Variants in DLGAP2 observed in about 807,000 individuals in gnomAD.
The protein encoded by DLGAP2 is disks large-associated protein 2.
DLGAP2 carries 26 observed loss-of-function variants against 100.3 expected under a neutral mutation model. That is an observed-to-expected ratio of 0.26 (90% confidence interval 0.19 to 0.36). The LOEUF is 0.36. DLGAP2 is among the 10% of genes least tolerant of loss of function. The pLI is 1.00. For synonymous variants in DLGAP2, 886 were observed against 630.1 expected (o/e 1.41, Z -6.08); for missense variants, 1,858 against 1,453.2 (o/e 1.28, Z -4.53).
At chr8:1,422,561 T>TAAAA (rs372845289) in intron 3 of DLGAP2, among the ~76,000 whole-genome samples, 34 of 136,378 alleles carry the variant, frequency 2.5e-4, no homozygotes, top group African/African-American at 8.5e-4. Flanking sequence ...TCTTTGACAT[T>TAAAA]AAAAAAAAAA....
intron 2 of DLGAP2, among the ~76,000 whole-genome samples, chr8:976,390 T>C (rs1800164002): frequency 6.6e-6 from 1 of 151,804 alleles, no homozygotes. Context: ...GGCGGGCGGA[T>C]CACAAGGTCA....
At chr8:1,105,735 G>A (rs565176379) in intron 2 of DLGAP2, among the ~76,000 whole-genome samples, 92 of 149,306 alleles carry the variant, frequency 6.2e-4, no homozygotes, top group Admixed American at 1.1e-3. Flanking sequence ...TACTTAAGGG[G>A]GCCATTCTAG....
chr8:1,235,082 C>T (rs1563269909), intron 2 of DLGAP2, among the ~76,000 whole-genome samples: 2 of 151,064 alleles, frequency 1.3e-5, no homozygotes, highest in South Asian at 4.2e-4. Context: ...GTCTAGTTCC[C>T]TCTCACATGG....
At chr8:1,101,519 C>T (rs1008962093) in intron 2 of DLGAP2, among the ~76,000 whole-genome samples, 8 of 151,942 alleles carry the variant, frequency 5.3e-5, no homozygotes, top group East Asian at 1.9e-4. Flanking sequence ...ACGGGGGTGC[C>T]GGGGCTGGGG....
At chr8:758,499 C>T (rs185911273) in intron 1 of DLGAP2, among the ~76,000 whole-genome samples, 12 of 152,320 alleles carry the variant, frequency 7.9e-5, no homozygotes, top group Admixed American at 3.9e-4. Flanking sequence ...GAGCGTCTTG[C>T]TCCACCTCTG....
chr8:1,202,414 G>A (rs1234950094), intron 2 of DLGAP2, among the ~76,000 whole-genome samples: 1 of 152,082 alleles, frequency 6.6e-6, no homozygotes, highest in Non-Finnish European at 1.5e-5. Flanking sequence ...GCGTGTGTGA[G>A]CCCTCAGGAC....
intron 2 of DLGAP2, among the ~76,000 whole-genome samples, chr8:1,088,288 T>G (rs181848004): frequency 6.6e-6 from 1 of 152,274 alleles, no homozygotes; most frequent in Non-Finnish European, 1.5e-5. Flanking sequence ...GAAGAGTTGT[T>G]CCATATCCGT....
chr8:1,164,514 C>T (rs1164816729), intron 2 of DLGAP2, among the ~76,000 whole-genome samples: 5 of 151,606 alleles, frequency 3.3e-5, no homozygotes, highest in African/African-American at 7.3e-5. Flanking sequence ...CCAGGTTGGG[C>T]GTGTGGGAAC....
intron 2 of DLGAP2, among the ~76,000 whole-genome samples, chr8:988,781 C>G (rs1026302521): frequency 2.0e-5 from 3 of 152,100 alleles, no homozygotes; most frequent in Non-Finnish European, 4.4e-5. Flanking sequence ...CCCCGGGGAC[C>G]TGGTGAGTGC....
chr8:1,346,617 T>G (rs1466899980), intron 3 of DLGAP2, among the ~76,000 whole-genome samples: 1 of 150,908 alleles, frequency 6.6e-6, no homozygotes, highest in Admixed American at 6.6e-5. Context: ...TGTGTGGAGG[T>G]TGAGTTCTGA....
intron 3 of DLGAP2, among the ~76,000 whole-genome samples, chr8:1,309,769 C>G (rs1800570467): frequency 6.6e-6 from 1 of 152,236 alleles, no homozygotes; most frequent in African/African-American, 2.4e-5. Context: ...AAGTGTACGT[C>G]TATGTTACCG....
intron 2 of DLGAP2, among the ~76,000 whole-genome samples, chr8:969,054 G>T (rs1238790161): frequency 6.6e-6 from 1 of 152,210 alleles, no homozygotes; most frequent in Admixed American, 6.5e-5. Flanking sequence ...GCATCAGTCA[G>T]ATGTTCTTCT....
At chr8:958,446 T>C (rs1201884597) in intron 2 of DLGAP2, among the ~76,000 whole-genome samples, 1 of 152,060 alleles carries the variant, frequency 6.6e-6, no homozygotes. Context: ...CAGGGTCATA[T>C]GGTGATTCTG....
intron 3 of DLGAP2, among the ~76,000 whole-genome samples, chr8:1,437,813 C>CCAAAA (rs1797692414): frequency 1.2e-5 from 1 of 85,232 alleles, no homozygotes; most frequent in East Asian, 3.9e-4. Flanking sequence ...ACTAAAAATA[C>CCAAAA]AAAAAAAAAA....
chr8:1,073,091 G>T (rs1803485359), intron 2 of DLGAP2, among the ~76,000 whole-genome samples: 1 of 152,198 alleles, frequency 6.6e-6, no homozygotes, highest in Non-Finnish European at 1.5e-5. Flanking sequence ...AAAGCCCACT[G>T]TTGAAGTCAG....
At chr8:1,127,526 G>C (rs1314496671) in intron 2 of DLGAP2, among the ~76,000 whole-genome samples, 1 of 152,176 alleles carries the variant, frequency 6.6e-6, no homozygotes. Flanking sequence ...ATTTGGGGCA[G>C]TGGCATTCAG....
intron 3 of DLGAP2, among the ~76,000 whole-genome samples, chr8:1,424,866 C>T (rs1797196506): frequency 6.6e-6 from 1 of 152,162 alleles, no homozygotes; most frequent in Non-Finnish European, 1.5e-5. Context: ...AGGCTGCCAG[C>T]AGCTGGGGAG....
In DLGAP2 at chr8:1,287,314, CGTGT is replaced by C. The variant is rs770250090; in HGVS notation, c.106+28447_106+28450del. ...AGGAGGGGAACTAGTTTCGGTTCAG[CGTGT>C]GTGTGTGTGTGTGTGCGTGGTTCTG... On this transcript the variant is annotated intron_variant, in intron 3 of 14. Coordinates refer to ENST00000637795, the MANE Select transcript of DLGAP2 (RefSeq NM_001346810.2). 2.2e-3 allele frequency among the ~76,000 whole-genome samples: 169 copies of C among 75,714 alleles called. 6 individuals are homozygous for C. The highest frequency in any genetic ancestry group is 8.8e-3 in the African/African-American group (164 of 18,670). The allele number at this position is 75,714 out of a possible 152,430, so 49.7% of individuals were successfully genotyped here. A position where few individuals can be genotyped will look rare whatever the true frequency, so the allele number is the denominator to read the frequency against.
chr8:969,345 C>T (rs779623809), intron 2 of DLGAP2, among the ~76,000 whole-genome samples: 21 of 152,278 alleles, frequency 1.4e-4, no homozygotes, highest in Non-Finnish European at 2.4e-4. Flanking sequence ...ACTCGTCACC[C>T]TCCATGCGCG....
Sources: gnomAD v4.1 joint callset for allele counts (sites outside exome capture counted in the v4.1 genomes callset) on GRCh38, gnomAD v4.1.1 for gene constraint, MANE v1.5 for transcripts, NCBI Gene and HGNC (gene_info 2026-07-23, HGNC 2026-07-21) for gene names.